The following GSE1 variants were observed in gnomAD, a reference collection of about 807,000 sequenced individuals.
GSE1 encodes the protein Gse1 coiled-coil protein.
GSE1 carries 32 observed loss-of-function variants against 112.6 expected under a neutral mutation model. The ratio of observed to expected loss-of-function variants is 0.28; its 90% CI spans 0.21 to 0.38. The LOEUF (loss-of-function observed/expected upper bound fraction) is 0.38, where lower values mean the gene tolerates loss of function less well. GSE1 is among the 10% of genes least tolerant of loss of function. The probability of loss-of-function intolerance (pLI) is 1.00; values close to 1 mark genes in which losing one functional copy is unlikely to be tolerated. For synonymous variants in GSE1, 1,115 were observed against 735.6 expected (o/e 1.52, Z -8.35); for missense variants, 2,348 against 1,699.2 (o/e 1.38, Z -6.71).
At chr16:85,389,402 G>T (rs949727488) in intron 2 of GSE1, among the ~76,000 whole-genome samples, 4 of 150,828 alleles carry the variant, frequency 2.7e-5, no homozygotes, top group Non-Finnish European at 1.5e-5. Flanking sequence ...GGAGGTTGCG[G>T]TGAGCCGAGA....
chr16:85,602,227 G>C (rs1397648945), intron 1 of GSE1, among the ~76,000 whole-genome samples: 1 of 152,124 alleles, frequency 6.6e-6, no homozygotes, highest in Non-Finnish European at 1.5e-5. Flanking sequence ...CCAGGGGGTT[G>C]CCTGGAGGCC....
At chr16:85,338,959 C>T (rs1443784777) in intron 1 of GSE1, among the ~76,000 whole-genome samples, 1 of 152,230 alleles carries the variant, frequency 6.6e-6, no homozygotes, top group Non-Finnish European at 1.5e-5. Context: ...CATGGGGCAT[C>T]TCATCCTGTG....
chr16:85,173,725 G>A (rs898885497), intron 1 of GSE1, among the ~76,000 whole-genome samples: 22 of 152,272 alleles, frequency 1.4e-4, no homozygotes, highest in African/African-American at 4.6e-4. Context: ...GCTGCCCGTC[G>A]GCCTTGACTG....
intron 1 of GSE1, among the ~76,000 whole-genome samples, chr16:85,614,376 G>A (rs1234289224): frequency 6.6e-6 from 1 of 152,076 alleles, no homozygotes; most frequent in South Asian, 2.1e-4. Flanking sequence ...GAGGCGGAGC[G>A]GGAGTGGAGC....
intron 1 of GSE1, among the ~76,000 whole-genome samples, chr16:85,323,502 G>A (rs916245837): frequency 2.0e-5 from 3 of 152,172 alleles, no homozygotes; most frequent in Non-Finnish European, 2.9e-5. Context: ...GAAAGTCGCC[G>A]GCCTGGAGGA....
intron 1 of GSE1, among the ~76,000 whole-genome samples, chr16:85,302,468 A>C (rs1021158778): frequency 1.2e-4 from 18 of 147,696 alleles, no homozygotes; most frequent in Admixed American, 1.3e-4. Context: ...GCCCCCACAC[A>C]CACACCGATA....
chr16:85,665,200 A>G lies in GSE1; in HGVS notation c.2758+72A>G, dbSNP rs1489829990. 20 of 821,844 alleles carry G rather than the reference A, an allele frequency of 2.4e-5. No homozygotes were observed. The East Asian group carries it at 4.3e-4, about 18-fold the overall frequency. The allele number at this position is 821,844 out of a possible 1,614,324, so 50.9% of individuals were successfully genotyped here. A position where few individuals can be genotyped will look rare whatever the true frequency, so the allele number is the denominator to read the frequency against. On this transcript the variant is annotated intron_variant, in intron 12 of 15. Coordinates refer to ENST00000253458, the MANE Select transcript of GSE1 (RefSeq NM_014615.5). ...GGGCTGCCCAGGCTCAGAGGCGACC[A>G]CTCGAGGTCTTCATCATTGTGAATG... is the stretch of plus-strand genomic sequence containing the variant.
intron 2 of GSE1, among the ~76,000 whole-genome samples, chr16:85,460,738 T>C (rs1287646267): frequency 6.6e-6 from 1 of 151,644 alleles, no homozygotes; most frequent in Non-Finnish European, 1.5e-5. Flanking sequence ...GGTCCTGTGG[T>C]CTTGCACTTT....
chr16:85,221,362 A>G (rs1279648184), intron 1 of GSE1, among the ~76,000 whole-genome samples: 3 of 151,544 alleles, frequency 2.0e-5, no homozygotes, highest in Non-Finnish European at 4.4e-5. Context: ...CACACACACC[A>G]TGTACATATA....
At chr16:85,425,055 G>C (rs1453175106) in intron 2 of GSE1, among the ~76,000 whole-genome samples, 2 of 152,250 alleles carry the variant, frequency 1.3e-5, no homozygotes, top group Non-Finnish European at 2.9e-5. Context: ...ACTGGACTGG[G>C]CTGGGGGCCC....
intron 1 of GSE1, among the ~76,000 whole-genome samples, chr16:85,309,974 G>C (rs2151479086): frequency 6.6e-6 from 1 of 152,350 alleles, no homozygotes; most frequent in East Asian, 1.9e-4. Context: ...CGGGGTCACG[G>C]CTGTGCTTTC....
chr16:85,364,794 C>A (rs2047153725), intron 2 of GSE1, among the ~76,000 whole-genome samples: 1 of 152,190 alleles, frequency 6.6e-6, no homozygotes, highest in Non-Finnish European at 1.5e-5. Flanking sequence ...AGGACAGCAG[C>A]CACTCCCCAG....
intron 1 of GSE1, among the ~76,000 whole-genome samples, chr16:85,292,492 C>A (rs1039375885): frequency 3.9e-5 from 6 of 152,066 alleles, no homozygotes; most frequent in Non-Finnish European, 8.8e-5. Flanking sequence ...CCACGTCCAG[C>A]TAATTTTTGT....
rs1313807060 is a variant in GSE1 at position 85,657,550 on chromosome 16, T to G, written c.1586T>G (p.Met529Arg). 1 of 1,590,418 alleles carries G rather than the reference T, an allele frequency of 6.3e-7. No homozygotes were observed. The highest frequency in any genetic ancestry group is 1.3e-5 in the African/African-American group (1 of 74,468). The change falls in exon 8 of 16, where the codon ATG (methionine) becomes AGG (arginine). Residue 529 changes from methionine (M) to arginine (R), a missense_variant. Met to Arg is a moderately conservative substitution (Grantham distance 91). Coordinates refer to ENST00000253458, the MANE Select transcript of GSE1 (RefSeq NM_014615.5). ...RQQVLEQHLDMGRPPVPAEAE... is the reference protein window; with the variant it reads ...RQQVLEQHLDRGRPPVPAEAE... ...CAGGTGCTGGAGCAGCACCTGGATA[T>G]GGGCCGGCCCCCGGTGCCGGCGGAG...
At chr16:85,284,312 G>T (rs2044949205) in intron 1 of GSE1, among the ~76,000 whole-genome samples, 1 of 152,258 alleles carries the variant, frequency 6.6e-6, no homozygotes, top group Non-Finnish European at 1.5e-5. Flanking sequence ...GAGAAGGCGG[G>T]AGAGGGCAGA....
intron 3 of GSE1, among the ~76,000 whole-genome samples, chr16:85,648,958 G>T (rs1201905106): frequency 1.3e-5 from 2 of 151,952 alleles, no homozygotes; most frequent in Admixed American, 6.6e-5. Context: ...ATCGGCCCAC[G>T]CATCAGTCTG....
intron 1 of GSE1, among the ~76,000 whole-genome samples, chr16:85,238,486 G>A (rs956751255): frequency 2.6e-5 from 4 of 152,280 alleles, no homozygotes; most frequent in South Asian, 4.1e-4. Flanking sequence ...CCGAGCCTGC[G>A]TGAGGGCCGC....
At chr16:85,231,158 A>G (rs1010247359) in intron 1 of GSE1, among the ~76,000 whole-genome samples, 1 of 150,548 alleles carries the variant, frequency 6.6e-6, no homozygotes, top group African/African-American at 2.5e-5. Context: ...GGAAGGATGG[A>G]TAGAAGGACA....
intron 1 of GSE1, among the ~76,000 whole-genome samples, chr16:85,306,488 C>G (rs1248818310): frequency 6.6e-6 from 1 of 152,222 alleles, no homozygotes; most frequent in Non-Finnish European, 1.5e-5. Context: ...TCCCCTCAGA[C>G]TGTGGGTAGG....
Sources: allele counts gnomAD v4.1 joint callset (sites outside exome capture counted in the v4.1 genomes callset), GRCh38; gene constraint gnomAD v4.1.1; transcripts MANE v1.5; gene names NCBI Gene and HGNC (gene_info 2026-07-23, HGNC 2026-07-21).